The following PXDNL variants were observed in gnomAD, a reference collection of about 807,000 sequenced individuals.
PXDNL encodes peroxidasin like.
PXDNL carries 145 observed loss-of-function variants against 150.8 expected under a neutral mutation model. The observed-to-expected ratio is 0.96, with a 90% CI of 0.84 to 1.10. The LOEUF (loss-of-function observed/expected upper bound fraction) is 1.10, where lower values mean the gene tolerates loss of function less well. PXDNL is among the 50% of genes least tolerant of loss of function. PXDNL has a pLI of 0.00. For missense variants in PXDNL, 2,087 were observed against 1,873.9 expected (o/e 1.11, Z -2.10); for synonymous variants, 757 against 725.7 (o/e 1.04, Z -0.69).
At chr8:51,597,038 G>A (rs148963249) in intron 2 of PXDNL, among the ~76,000 whole-genome samples, 26 of 152,280 alleles carry the variant, frequency 1.7e-4, no homozygotes, top group East Asian at 1.5e-3. Context: ...AGAGTCTGAC[G>A]TCTTAGATTC....
At chr8:51,397,239 G>A (rs1808110224) in intron 17 of PXDNL, among the ~76,000 whole-genome samples, 1 of 152,156 alleles carries the variant, frequency 6.6e-6, no homozygotes, top group African/African-American at 2.4e-5. Flanking sequence ...CTAGAAATGG[G>A]TTTTGAATCA....
chr8:51,791,812 T>C (rs1373862446), intron 1 of PXDNL, among the ~76,000 whole-genome samples: 2 of 152,172 alleles, frequency 1.3e-5, no homozygotes, highest in Non-Finnish European at 2.9e-5. Context: ...TTAATCATTA[T>C]AGGGGCTGTT....
intron 4 of PXDNL, among the ~76,000 whole-genome samples, chr8:51,552,369 C>G (rs1219542389): frequency 6.6e-6 from 1 of 152,136 alleles, no homozygotes; most frequent in Non-Finnish European, 1.5e-5. Context: ...ATAAAACAGA[C>G]ACATGCACAA....
chr8:51,366,854 G>C (rs568641877), intron 19 of PXDNL, among the ~76,000 whole-genome samples: 15 of 152,054 alleles, frequency 9.9e-5, no homozygotes, highest in Non-Finnish European at 1.8e-4. Flanking sequence ...TGTAATCCCA[G>C]CACTTTGGGA....
At chr8:51,712,025 T>C (rs1017929925) in intron 1 of PXDNL, among the ~76,000 whole-genome samples, 3 of 152,164 alleles carry the variant, frequency 2.0e-5, no homozygotes, top group African/African-American at 7.2e-5. Flanking sequence ...ATCTCCCTGA[T>C]TGACTAAAAC....
chr8:51,384,667 G>T (rs1807646734), intron 17 of PXDNL, among the ~76,000 whole-genome samples: 1 of 151,988 alleles, frequency 6.6e-6, no homozygotes, highest in African/African-American at 2.4e-5. Context: ...AATAACTCAA[G>T]CGACTTTTGT....
At chr8:51,491,187 C>T (rs1810884357) in intron 5 of PXDNL, among the ~76,000 whole-genome samples, 1 of 152,116 alleles carries the variant, frequency 6.6e-6, no homozygotes, top group South Asian at 2.1e-4. Flanking sequence ...CTTCCTTACT[C>T]CTCAGCTTGC....
intron 1 of PXDNL, among the ~76,000 whole-genome samples, chr8:51,780,654 C>CTTTTCTTTTTTT (rs2037404583): frequency 1.3e-5 from 1 of 75,186 alleles, no homozygotes; most frequent in African/African-American, 4.4e-5. Flanking sequence ...CTTTTCTTTT[C>CTTTTCTTTTTTT]TTTTTTTTTT....
intron 1 of PXDNL, among the ~76,000 whole-genome samples, chr8:51,725,648 G>T (rs1236900749): frequency 6.6e-6 from 1 of 152,188 alleles, no homozygotes; most frequent in Non-Finnish European, 1.5e-5. Context: ...TAGCTGCCTG[G>T]TTGTGAAATC....
intron 1 of PXDNL, among the ~76,000 whole-genome samples, chr8:51,671,278 C>CACAT (rs1815495847): frequency 6.6e-6 from 1 of 152,188 alleles, no homozygotes; most frequent in African/African-American, 2.4e-5. Context: ...TACACAAATA[C>CACAT]ACATATTCAT....
intron 2 of PXDNL, among the ~76,000 whole-genome samples, chr8:51,637,220 G>C (rs762968724): frequency 3.3e-5 from 5 of 152,130 alleles, no homozygotes; most frequent in African/African-American, 1.2e-4. Flanking sequence ...ACCAAAGGTA[G>C]ATAAAACCAT....
At chr8:51,427,295 T>C (rs1388246705) in intron 12 of PXDNL, among the ~76,000 whole-genome samples, 1 of 152,094 alleles carries the variant, frequency 6.6e-6, no homozygotes, top group Non-Finnish European at 1.5e-5. Flanking sequence ...TTAAAATTAT[T>C]TTACTGGAGA....
intron 6 of PXDNL, among the ~76,000 whole-genome samples, chr8:51,483,284 C>T (rs1330715000): frequency 6.6e-6 from 1 of 152,084 alleles, no homozygotes; most frequent in Non-Finnish European, 1.5e-5. Flanking sequence ...TGAAGCCTGG[C>T]CCGAGGAGTC....
At chr8:51,377,148 C>T (rs1177296918) in intron 17 of PXDNL, among the ~76,000 whole-genome samples, 4 of 76,212 alleles carry the variant, frequency 5.2e-5, no homozygotes, top group African/African-American at 1.4e-4. Flanking sequence ...ACACACAAAG[C>T]CAAAGCCATT....
rs1805933377 is a variant in PXDNL, at chr8:51,339,681, T to C, written c.4089A>G (p.Gln1363=). 6.2e-7 allele frequency: 1 copy of C among 1,613,704 alleles called. No individual in the cohort carries two copies. The highest frequency in any genetic ancestry group is 1.3e-5 in the African/African-American group (1 of 75,046). ...TTTCCGCTGCAAACGTGCTGAAATC[T>C]TGGGAGAACTTTGTTTTTGCCAGAA... ...VTVLAKTKFS[Q]DFSTFAAEIQ... is the part of the protein sequence containing the mutation. Residue 1363 remains glutamine, a synonymous_variant, in exon 21 of 23, where the codon CAA becomes CAG. Transcript: ENST00000356297.
intron 17 of PXDNL, among the ~76,000 whole-genome samples, chr8:51,398,888 G>C (rs562703028): frequency 6.6e-6 from 1 of 152,178 alleles, no homozygotes; most frequent in Non-Finnish European, 1.5e-5. Flanking sequence ...ATTAAAGAAG[G>C]TATGCTCTTA....
intron 8 of PXDNL, among the ~76,000 whole-genome samples, chr8:51,462,295 C>T (rs1011520026): frequency 6.6e-6 from 1 of 152,150 alleles, no homozygotes; most frequent in Non-Finnish European, 1.5e-5. Flanking sequence ...GCAATGGATC[C>T]TAACCAGATT....
chr8:51,715,264 A>T lies in PXDNL; in HGVS notation c.165-60504T>A, dbSNP rs147538867. ...AGAATATGAAAAGATGCTCAACATC[A>T]CTGATCATCAGGGAAATGCAAATCA... is the stretch of plus-strand genomic sequence containing the variant. On this transcript the variant is annotated intron_variant, in intron 1 of 22. Coordinates refer to ENST00000356297, the MANE Select transcript of PXDNL (RefSeq NM_144651.5). Among the ~76,000 whole-genome samples, 66 of 152,332 alleles carry T rather than the reference A, an allele frequency of 4.3e-4. 1 individual carries two copies. Among genetic ancestry groups the T allele is most frequent in the African/African-American group, 1.4e-3 (60 of 41,580 alleles).
chr8:51,458,095 T>TA (rs1053731549), intron 8 of PXDNL, among the ~76,000 whole-genome samples: 2 of 152,048 alleles, frequency 1.3e-5, no homozygotes, highest in African/African-American at 2.4e-5. Flanking sequence ...TGTTAAAGTG[T>TA]AAAAAAAATA....
Sources: gnomAD v4.1 joint callset for allele counts (sites outside exome capture counted in the v4.1 genomes callset) on GRCh38, gnomAD v4.1.1 for gene constraint, MANE v1.5 for transcripts, NCBI Gene and HGNC (gene_info 2026-07-23, HGNC 2026-07-21) for gene names.